LTBP1: variants seen among roughly 807,000 people sequenced by gnomAD.
LTBP1 encodes latent transforming growth factor beta binding protein 1.
A neutral mutation model predicts 207.6 loss-of-function variants in LTBP1; 129 were observed. That is an observed-to-expected ratio of 0.62 (90% CI 0.54 to 0.72). The LOEUF is 0.72. Ranked by LOEUF, LTBP1 falls within the 30% of genes least tolerant of loss-of-function variation. The pLI, the probability that LTBP1 is intolerant of heterozygous loss-of-function variation, is 0.00. For synonymous variants in LTBP1, 963 were observed against 833.7 expected (o/e 1.16, Z -2.67); for missense variants, 2,281 against 2,217.2 (o/e 1.03, Z -0.58).
At chr2:33,099,328 G>A (rs1192617186) in intron 3 of LTBP1, among the ~76,000 whole-genome samples, 1 of 152,194 alleles carries the variant, frequency 6.6e-6, no homozygotes, top group Admixed American at 6.5e-5. Context: ...CTTAAAAATT[G>A]AAAGAATTTT....
intron 5 of LTBP1, among the ~76,000 whole-genome samples, chr2:33,155,206 C>T (rs544126339): frequency 6.6e-6 from 1 of 152,268 alleles, no homozygotes; most frequent in African/African-American, 2.4e-5. Context: ...ATTGGAACTA[C>T]AGGCGCGCGC....
At chr2:32,949,407 G>A (rs1296444889) in intron 2 of LTBP1, among the ~76,000 whole-genome samples, 1 of 152,202 alleles carries the variant, frequency 6.6e-6, no homozygotes, top group Non-Finnish European at 1.5e-5. Flanking sequence ...ACAGCAACCA[G>A]AATCCTTCAT....
intron 22 of LTBP1, among the ~76,000 whole-genome samples, chr2:33,307,711 A>G (rs2094120952): frequency 2.0e-5 from 3 of 152,240 alleles, no homozygotes; most frequent in Admixed American, 1.3e-4. Context: ...ATTAAAGAAA[A>G]AGTTGAGAAC....
intron 20 of LTBP1, among the ~76,000 whole-genome samples, chr2:33,298,697 T>C (rs2093927665): frequency 6.6e-6 from 1 of 152,224 alleles, no homozygotes; most frequent in Admixed American, 6.5e-5. Flanking sequence ...TTATTTTCTC[T>C]ATGGACAGAC....
intron 4 of LTBP1, among the ~76,000 whole-genome samples, chr2:33,119,335 G>C (rs145571405): frequency 4.6e-5 from 7 of 152,286 alleles, no homozygotes; most frequent in African/African-American, 1.7e-4. Flanking sequence ...AAAGAATTTT[G>C]AGGAAATTAA....
rs193090006 is a variant in LTBP1 at position 33,318,475 on chromosome 2, A to G, written c.3730+3206A>G. Among the ~76,000 whole-genome samples the G allele has an allele frequency of 3.1e-4, 47 of 152,356 alleles. 1 individual carries two copies. The highest frequency in any genetic ancestry group is 2.9e-3 in the Admixed American group (45 of 15,304). On this transcript the variant is annotated intron_variant, in intron 24 of 33. Transcript: ENST00000404816. ...TAGGGGAATTGGGGATAAAGAAGCC[A>G]ATGGTATGTGTAGGATACATTAAGT...
intron 26 of LTBP1, among the ~76,000 whole-genome samples, chr2:33,348,866 T>A (rs2094740458): frequency 1.3e-5 from 2 of 152,208 alleles, no homozygotes; most frequent in South Asian, 4.1e-4. Flanking sequence ...TAATTGAGCT[T>A]ATTCATTTGT....
intron 5 of LTBP1, among the ~76,000 whole-genome samples, chr2:33,151,861 G>A (rs1355895366): frequency 1.4e-5 from 2 of 145,972 alleles, no homozygotes; most frequent in Non-Finnish European, 3.1e-5. Flanking sequence ...GTGTGTGTGT[G>A]TGTGTGTGTG....
chr2:33,032,822 G>A (rs116662751), intron 3 of LTBP1, among the ~76,000 whole-genome samples: 5 of 152,120 alleles, frequency 3.3e-5, no homozygotes, highest in Admixed American at 1.3e-4. Flanking sequence ...GTAACATGCT[G>A]CTTGATAAAA....
At chr2:33,182,253 T>G (rs2086715018) in intron 5 of LTBP1, among the ~76,000 whole-genome samples, 1 of 152,092 alleles carries the variant, frequency 6.6e-6, no homozygotes, top group African/African-American at 2.4e-5. Flanking sequence ...GGAGGTTATC[T>G]CAGGGGGTTA....
At chr2:32,948,467 T>A (rs1676609306) in intron 1 of LTBP1, among the ~76,000 whole-genome samples, 1 of 152,208 alleles carries the variant, frequency 6.6e-6, no homozygotes, top group Admixed American at 6.5e-5. Context: ...GTTGGCATGT[T>A]TTTTTCAGGG....
intron 17 of LTBP1, 47 bp downstream of exon 17, chr2:33,275,137 T>C: frequency 6.2e-7 from 1 of 1,607,852 alleles, no homozygotes; most frequent in Non-Finnish European, 8.5e-7. Context: ...ATCTGAGTTT[T>C]TAGATCCCCT....
intron 20 of LTBP1, among the ~76,000 whole-genome samples, chr2:33,294,020 T>TTC (rs2093825177): frequency 2.8e-5 from 4 of 145,308 alleles, no homozygotes; most frequent in African/African-American, 1.0e-4. Flanking sequence ...TTTTTTTTTT[T>TTC]TTTGAGCTGA....
chr2:33,034,199 AAG>A (rs1172948089), intron 3 of LTBP1, among the ~76,000 whole-genome samples: 2 of 151,510 alleles, frequency 1.3e-5, no homozygotes, highest in East Asian at 3.9e-4. Context: ...AGTTAGAAGA[AAG>A]AGACGAGACT....
intron 5 of LTBP1, among the ~76,000 whole-genome samples, chr2:33,181,152 A>G (rs1049765946): frequency 2.0e-5 from 3 of 152,234 alleles, no homozygotes; most frequent in Admixed American, 6.5e-5. Context: ...CAGGAAGGTC[A>G]AGAACATTCT....
At chr2:33,251,760 G>A (rs979175745) in intron 10 of LTBP1, among the ~76,000 whole-genome samples, 6 of 151,868 alleles carry the variant, frequency 4.0e-5, no homozygotes, top group Non-Finnish European at 7.4e-5. Context: ...ATAGAGAAGA[G>A]CTTTGGTTGG....
chr2:33,364,396 A>T lies in LTBP1; in HGVS notation c.4540+40A>T, dbSNP rs781003562. On this transcript the variant is annotated intron_variant, in intron 30 of 33. Coordinates refer to ENST00000404816, the MANE Select transcript of LTBP1 (RefSeq NM_206943.4). The stretch of plus-strand genomic sequence containing the variant: ...GATGCAAACCTGTGTCCAAATAACT[A>T]TCATAAGATTTTCCTTTTAACTAAA... 8.9e-6 allele frequency: 14 copies of T among 1,567,906 alleles called. No homozygotes were observed. In the South Asian group the frequency reaches 1.5e-4, roughly 17 times the overall value.
chr2:33,252,559 A>G (rs2092713668), intron 10 of LTBP1, 118 bp from the exon 11 acceptor site: 2 of 912,506 alleles, frequency 2.2e-6, no homozygotes, highest in Non-Finnish European at 1.6e-6. Context: ...AAATCTAGAC[A>G]GATTTATCCT....
chr2:32,955,668 CAT>C (rs1406554625), intron 2 of LTBP1, among the ~76,000 whole-genome samples: 1 of 151,976 alleles, frequency 6.6e-6, no homozygotes. Context: ...TACACACAAA[CAT>C]AGAAGCTGCC....
Sources: allele counts gnomAD v4.1 joint callset (sites outside exome capture counted in the v4.1 genomes callset), GRCh38; gene constraint gnomAD v4.1.1; transcripts MANE v1.5; gene names NCBI Gene and HGNC (gene_info 2026-07-23, HGNC 2026-07-21).